GRPR: variants seen among roughly 807,000 people sequenced by gnomAD.
The protein encoded by GRPR is gastrin releasing peptide receptor, also known as gastrin-releasing peptide receptor.
GRPR carries 4 observed loss-of-function variants against 15.6 expected under a neutral mutation model. The observed-to-expected ratio is 0.26, with a 90% CI of 0.13 to 0.59. The LOEUF (loss-of-function observed/expected upper bound fraction) is 0.59, where lower values mean the gene tolerates loss of function less well. Ranked by LOEUF, GRPR falls within the 20% of genes least tolerant of loss-of-function variation. The pLI, the probability that GRPR is intolerant of heterozygous loss-of-function variation, is 0.90. For synonymous variants in GRPR, 128 were observed against 126.8 expected (o/e 1.01, Z -0.06); for missense variants, 270 against 304.1 (o/e 0.89, Z 0.83).
chrX:16,143,704 G>C (rs1241147167), intron 1 of GRPR, among the ~76,000 whole-genome samples: 2 of 111,985 alleles, frequency 1.8e-5, no homozygotes, highest in African/African-American at 6.5e-5. Context: ...TTCTTTAGAG[G>C]TTCCTCAAAA....
intron 1 of GRPR, among the ~76,000 whole-genome samples, chrX:16,143,880 C>T (rs186028055): frequency 4.5e-5 from 5 of 111,818 alleles, no homozygotes; most frequent in South Asian, 7.4e-4. Context: ...CATATCCCCA[C>T]GAGCTCCTTG....
Position 16,153,397 on chromosome X carries a change from AT to A in GRPR, c.*753del, listed in dbSNP as rs1243586649. The A allele has an allele frequency of 8.9e-6, 1 of 111,898 alleles. No homozygotes were observed. The highest frequency in any genetic ancestry group is 1.9e-5 in the Non-Finnish European group (1 of 53,193). 9.2% of individuals were successfully genotyped at this position (111,898 alleles called of 1,213,427 possible). ...ATCTCACACTCTGAATTCTTACTTG[AT>A]GGAGGTTTTGTTTGCTGCTACGGTT... On this transcript the variant is annotated 3_prime_UTR_variant, in exon 3 of 3. Coordinates refer to ENST00000380289, the MANE Select transcript of GRPR (RefSeq NM_005314.3).
chrX:16,142,073 T>TA (rs1267282020), intron 1 of GRPR, among the ~76,000 whole-genome samples: 2 of 111,761 alleles, frequency 1.8e-5, no homozygotes, highest in Non-Finnish European at 3.8e-5. Flanking sequence ...TAGATGATAT[T>TA]AAAATTGCAA....
chrX:16,128,033 A>G (rs1253474588), intron 1 of GRPR, among the ~76,000 whole-genome samples: 1 of 112,105 alleles, frequency 8.9e-6, no homozygotes, highest in Non-Finnish European at 1.9e-5. Flanking sequence ...GTAGATTATT[A>G]AGAATGTTGA....
intron 1 of GRPR, among the ~76,000 whole-genome samples, chrX:16,130,548 G>A (rs1922362021): frequency 8.9e-6 from 1 of 112,238 alleles, no homozygotes; most frequent in South Asian, 3.7e-4. Flanking sequence ...GGGAGCTACT[G>A]ATGCCAAAAC....
At position 16,152,420 on chromosome X, in the gene GRPR, G is replaced by T; in HGVS notation, c.930G>T (p.Leu310=). ...TCACCAGCATCTGTGCCCGCCTCCT[G>T]GCCTTCACCAACTCCTGCGTGAACC... ...HFVTSICARL[L]AFTNSCVNPF... The change falls in exon 3 of 3, where the codon CTG becomes CTT. Residue 310 remains leucine (L), a synonymous_variant. Transcript: ENST00000380289. 8.3e-7 allele frequency: 1 copy of T among 1,210,281 alleles called. No individual in the cohort carries two copies. Among genetic ancestry groups the T allele is most frequent in the Non-Finnish European group, 1.1e-6 (1 of 894,331 alleles).
At chrX:16,125,844 G>A (rs957357371) in intron 1 of GRPR, among the ~76,000 whole-genome samples, 13 of 111,546 alleles carry the variant, frequency 1.2e-4, no homozygotes, top group Admixed American at 8.6e-4. Context: ...ACAGTTTCAT[G>A]TATTGATTCA....
intron 1 of GRPR, among the ~76,000 whole-genome samples, chrX:16,129,357 A>G: frequency 8.9e-6 from 1 of 111,991 alleles, no homozygotes; most frequent in African/African-American, 3.3e-5. Context: ...ATTTAAATGA[A>G]ATGGAAAATT....
At chrX:16,131,564 G>T (rs1455826624) in intron 1 of GRPR, among the ~76,000 whole-genome samples, 1 of 111,933 alleles carries the variant, frequency 8.9e-6, no homozygotes, top group Non-Finnish European at 1.9e-5. Context: ...GCACAGTCAA[G>T]ATAGAGGACA....
intron 2 of GRPR, among the ~76,000 whole-genome samples, chrX:16,151,122 G>A (rs918544657): frequency 4.5e-5 from 5 of 111,513 alleles, no homozygotes; most frequent in African/African-American, 9.8e-5. Context: ...AGTCCAAGCC[G>A]CATGATGTAT....
At chrX:16,148,351 A>G (rs1354079382) in intron 1 of GRPR, among the ~76,000 whole-genome samples, 1 of 111,597 alleles carries the variant, frequency 9.0e-6, no homozygotes, top group Admixed American at 9.5e-5. Flanking sequence ...GGCCAGTTAA[A>G]CAACCATAAT....
At chrX:16,141,864 G>T (rs1026546523) in intron 1 of GRPR, among the ~76,000 whole-genome samples, 1 of 112,287 alleles carries the variant, frequency 8.9e-6, no homozygotes, top group Admixed American at 9.4e-5. Flanking sequence ...CAGGCAGCAG[G>T]AGTGAGTGGC....
chrX:16,142,055 A>G (rs116172104), intron 1 of GRPR, among the ~76,000 whole-genome samples: 2,485 of 111,815 alleles, frequency 0.022, 63 homozygotes, highest in African/African-American at 0.076. Flanking sequence ...ACCAAACCCC[A>G]CAGATTGTAG....
intron 2 of GRPR, among the ~76,000 whole-genome samples, chrX:16,151,345 A>T (rs1922698516): frequency 8.9e-6 from 1 of 112,134 alleles, no homozygotes; most frequent in South Asian, 3.8e-4. Flanking sequence ...GTAGAAAGCA[A>T]GGGCTCCGGC....
In GRPR at chrX:16,144,834, A is replaced by G. The variant is rs757426349; in HGVS notation, c.414-5471A>G. Among the ~76,000 whole-genome samples the G allele has an allele frequency of 2.7e-5, 3 of 112,115 alleles. No individual in the cohort carries two copies. The East Asian group carries it at 8.4e-4, about 31-fold the overall frequency. On this transcript the variant is annotated intron_variant, in intron 1 of 2. Coordinates refer to ENST00000380289, the MANE Select transcript of GRPR (RefSeq NM_005314.3). ...TGTAAAAGGGAAACTTCTCTCTCTCATTTGTGAGAAGTTGGAAATAAGAGA... is the reference window on the plus strand; with the variant it reads ...TGTAAAAGGGAAACTTCTCTCTCTCGTTTGTGAGAAGTTGGAAATAAGAGA...
intron 2 of GRPR, among the ~76,000 whole-genome samples, chrX:16,151,329 C>G (rs1372497320): frequency 8.9e-6 from 1 of 112,146 alleles, no homozygotes; most frequent in Non-Finnish European, 1.9e-5. Flanking sequence ...GAGTTACAAA[C>G]AAATGGTAGA....
At chrX:16,124,751 T>C (rs1922263944) in intron 1 of GRPR, among the ~76,000 whole-genome samples, 1 of 112,206 alleles carries the variant, frequency 8.9e-6, no homozygotes. Flanking sequence ...TTAGGAGCAA[T>C]TGAAACCCCT....
intron 1 of GRPR, among the ~76,000 whole-genome samples, chrX:16,147,942 T>A (rs1179353078): frequency 1.8e-5 from 2 of 112,538 alleles, no homozygotes; most frequent in African/African-American, 3.2e-5. Flanking sequence ...CTCATGCCTT[T>A]AATTAAAGAT....
Position 16,124,136 on chromosome X carries a change from G to C in GRPR, c.183G>C (p.Leu61Phe). Reference protein sequence around the residue: ...ILIGLIGNITLIKIFCTVKSM... With the variant: ...ILIGLIGNITFIKIFCTVKSM... The stretch of plus-strand genomic sequence containing the variant: ...TAGGCCTCATTGGCAACATCACTTT[G>C]ATCAAGATCTTCTGTACAGTCAAGT... Residue 61 changes from leucine to phenylalanine, a missense_variant, in exon 1 of 3, where the codon TTG becomes TTC. This residue lies in a region of GRPR where 115 missense variants were observed against 128.8 expected (regional missense o/e 0.89). Transcript: ENST00000380289. 8.3e-7 allele frequency: 1 copy of C among 1,208,317 alleles called. No homozygotes were observed. The highest frequency in any genetic ancestry group is 1.1e-6 in the Non-Finnish European group (1 of 892,353).
Sources: allele counts gnomAD v4.1 joint callset (sites outside exome capture counted in the v4.1 genomes callset), GRCh38; gene constraint gnomAD v4.1.1; regional missense constraint gnomAD v4.1.1; transcripts MANE v1.5; gene names NCBI Gene and HGNC (gene_info 2026-07-23, HGNC 2026-07-21).